Variants in ADCY7 observed in about 807,000 individuals in gnomAD.
ADCY7 encodes adenylate cyclase type 7.
In ADCY7, 72 loss-of-function variants were observed where a neutral mutation model predicts 120.6. That is an observed-to-expected ratio of 0.60 (90% CI 0.49 to 0.73). ADCY7 has a LOEUF of 0.73. Among genes scored for constraint, ADCY7 ranks in the 30% least tolerant of loss-of-function variants. The pLI, the probability that ADCY7 is intolerant of heterozygous loss-of-function variation, is 0.00. For synonymous variants in ADCY7, 661 were observed against 628.0 expected (o/e 1.05, Z -0.78); for missense variants, 1,227 against 1,486.0 (o/e 0.83, Z 2.87).
At chr16:50,307,210 G>T (rs956574902) in intron 15 of ADCY7, 63 bp downstream of exon 15, 29 of 1,499,676 alleles carry the variant, frequency 1.9e-5, no homozygotes, top group Non-Finnish European at 2.6e-5. Context: ...AGGTGACTAT[G>T]AACCTGCAAG....
rs373527821 is a variant in ADCY7 at position 50,292,717 on chromosome 16, A to C, written c.579A>C (p.Thr193=). The C allele has an allele frequency of 2.5e-6, 4 of 1,613,822 alleles. No homozygotes were observed. The African/African-American group carries it at 5.3e-5, about 22-fold the overall frequency. The part of the protein sequence containing the change: ...NAVIFLCGNL[T]GAFHKHQMQD... The stretch of plus-strand genomic sequence containing the variant: ...TCATCTTCCTGTGTGGGAACCTGAC[A>C]GGCGCCTTCCACAAGCACCAAATGC... Residue 193 remains threonine, a synonymous_variant, in exon 5 of 26, where the codon ACA becomes ACC. Coordinates refer to ENST00000673801, the MANE Select transcript of ADCY7 (RefSeq NM_001114.5).
chr16:50,247,992 C>T (rs954762787), intron 1 of ADCY7, among the ~76,000 whole-genome samples: 1 of 152,172 alleles, frequency 6.6e-6, no homozygotes, highest in African/African-American at 2.4e-5. Flanking sequence ...CTGCGTATCC[C>T]TTGTATCTTT....
In ADCY7 at chr16:50,298,917, T is replaced by C; in HGVS notation, c.962T>C (p.Met321Thr). The C allele has an allele frequency of 1.2e-6, 2 of 1,613,822 alleles. No individual in the cohort carries two copies. Among genetic ancestry groups the C allele is most frequent in the Non-Finnish European group, 1.7e-6 (2 of 1,179,902 alleles). ...FDQIAKANEC[M>T]RIKILGDCYY... Reference sequence around the variant, plus strand: ...CTCACCCTGCAGGCCAACGAGTGCATGCGAATCAAGATCCTCGGCGACTGC... The same window carrying C: ...CTCACCCTGCAGGCCAACGAGTGCACGCGAATCAAGATCCTCGGCGACTGC... Residue 321 changes from methionine (M) to threonine (T), a missense_variant, in exon 8 of 26, where the codon ATG (methionine) becomes ACG (threonine). Coordinates refer to ENST00000673801, the MANE Select transcript of ADCY7 (RefSeq NM_001114.5).
At chr16:50,305,622 C>CT (rs762022424) in intron 13 of ADCY7, 36 bp downstream of exon 13, 300 of 1,558,408 alleles carry the variant, frequency 1.9e-4, no homozygotes, top group Non-Finnish European at 2.5e-4. Context: ...CCCCTCTCCT[C>CT]TCCCCCTCGG....
chr16:50,263,313 G>C (rs1261889815), upstream of ADCY7, among the ~76,000 whole-genome samples: 4 of 152,116 alleles, frequency 2.6e-5, no homozygotes, highest in South Asian at 4.1e-4. Flanking sequence ...CGTGAGGGGT[G>C]GGGTGTCAAG....
At chr16:50,303,178 G>A (rs1026211689) in intron 10 of ADCY7, among the ~76,000 whole-genome samples, 2 of 152,130 alleles carry the variant, frequency 1.3e-5, no homozygotes, top group African/African-American at 4.8e-5. Flanking sequence ...TCACAATGGA[G>A]GAGGGGACAG....
intron 1 of ADCY7, among the ~76,000 whole-genome samples, chr16:50,257,343 G>A (rs1267997759): frequency 1.3e-5 from 2 of 152,166 alleles, no homozygotes; most frequent in East Asian, 1.9e-4. Flanking sequence ...GAGAGATAGA[G>A]AGAGGTCAGT....
At chr16:50,301,800 CTG>C (rs1193294986) in intron 10 of ADCY7, 2 of 154,438 alleles carry the variant, frequency 1.3e-5, no homozygotes, top group Admixed American at 6.4e-5. Context: ...GGCCACTTCT[CTG>C]TGAATCATCC....
chr16:50,291,774 A>C lies in ADCY7; in HGVS notation c.414A>C (p.Thr138=). 6.2e-7 allele frequency: 1 copy of C among 1,614,070 alleles called. No individual in the cohort carries two copies. The highest frequency in any genetic ancestry group is 8.5e-7 in the Non-Finnish European group (1 of 1,179,984). The part of the protein sequence containing the change: ...FFLFIVFVVY[T]LLPFSMRGAV... Reference sequence around the variant, plus strand: ...TGTTCATTGTCTTCGTGGTGTACACACTACTGCCCTTCAGCATGCGGGGCG... The same window carrying C: ...TGTTCATTGTCTTCGTGGTGTACACCCTACTGCCCTTCAGCATGCGGGGCG... The change falls in exon 4 of 26, where the codon ACA becomes ACC. Residue 138 remains threonine (T), a synonymous_variant. Transcript: ENST00000673801.
chr16:50,268,182 T>C (rs1003010800), intron 1 of ADCY7, among the ~76,000 whole-genome samples: 5 of 152,270 alleles, frequency 3.3e-5, no homozygotes, highest in African/African-American at 1.2e-4. Context: ...CACTGTAACC[T>C]TTGCCTCCTG....
In ADCY7 at chr16:50,298,962, T is replaced by A. The variant is rs2035536219; in HGVS notation, c.1007T>A (p.Leu336Gln). Residue 336 changes from leucine to glutamine, a missense_variant, in exon 8 of 26, where the codon CTG becomes CAG. By Grantham distance (113) the Leu-to-Gln change is moderately radical. Coordinates refer to ENST00000673801, the MANE Select transcript of ADCY7 (RefSeq NM_001114.5). ...GACTGCTACTACTGTGTATCGGGCC[T>A]GCCCGTGTCGCTGCCTACCCACGCC... ...LGDCYYCVSG[L>Q]PVSLPTHARN... 1 of 1,613,680 alleles carries A rather than the reference T, an allele frequency of 6.2e-7. No homozygotes were observed. The highest frequency in any genetic ancestry group is 8.5e-7 in the Non-Finnish European group (1 of 1,180,012).
Position 50,314,086 on chromosome 16 carries a change from TTC to T in ADCY7, c.2856+25_2856+26del, listed in dbSNP as rs2036641258. ...AGGTACTCAAGCCCAAGAGGTGAAA[TTC>T]AGCTGACTGTCCTCACTTAAAGGTG... On this transcript the variant is annotated intron_variant, in intron 23 of 25. Transcript: ENST00000673801. The T allele has an allele frequency of 5.0e-6, 8 of 1,603,862 alleles. No individual in the cohort carries two copies. In the South Asian group the frequency reaches 8.8e-5, roughly 18 times the overall value.
chr16:50,248,973 C>CT (rs1016551140), intron 1 of ADCY7, among the ~76,000 whole-genome samples: 2 of 152,204 alleles, frequency 1.3e-5, no homozygotes, highest in Non-Finnish European at 2.9e-5. Flanking sequence ...GGTTGGGAAG[C>CT]TATCTGGGTC....
intron 1 of ADCY7, among the ~76,000 whole-genome samples, chr16:50,269,923 T>C (rs1195323104): frequency 6.6e-6 from 1 of 152,122 alleles, no homozygotes; most frequent in Admixed American, 6.5e-5. Context: ...GCACCGTGGT[T>C]CACACCTGCA....
chr16:50,302,140 C>T (rs1365477218), intron 10 of ADCY7, among the ~76,000 whole-genome samples: 1 of 149,516 alleles, frequency 6.7e-6, no homozygotes, highest in Non-Finnish European at 1.5e-5. Flanking sequence ...CCCCCTCACC[C>T]CACCTGGTCT....
At chr16:50,306,683 T>A (rs1319919604) in intron 14 of ADCY7, among the ~76,000 whole-genome samples, 1 of 152,066 alleles carries the variant, frequency 6.6e-6, no homozygotes, top group Non-Finnish European at 1.5e-5. Flanking sequence ...GGCCATGAGC[T>A]CTGCAGGGAC....
At chr16:50,289,198 TTTTTG>T in intron 2 of ADCY7, 1 of 322,876 alleles carries the variant, frequency 3.1e-6, no homozygotes, top group South Asian at 2.3e-5. Flanking sequence ...TTTTGTTTTT[TTTTTG>T]TTTGTTTGTT....
At chr16:50,283,005 C>T (rs1419562636) in intron 1 of ADCY7, among the ~76,000 whole-genome samples, 1 of 152,126 alleles carries the variant, frequency 6.6e-6, no homozygotes, top group African/African-American at 2.4e-5. Context: ...GAGGGATGAG[C>T]GGGGCTGTCC....
At chr16:50,285,357 G>T (rs1488625140) in intron 1 of ADCY7, among the ~76,000 whole-genome samples, 2 of 152,208 alleles carry the variant, frequency 1.3e-5, no homozygotes, top group African/African-American at 4.8e-5. Flanking sequence ...TTACCATTTT[G>T]TTCCTGGTGT....
Sources: gnomAD v4.1 joint callset for allele counts (sites outside exome capture counted in the v4.1 genomes callset) on GRCh38, gnomAD v4.1.1 for gene constraint, MANE v1.5 for transcripts, NCBI Gene and HGNC (gene_info 2026-07-23, HGNC 2026-07-21) for gene names.